LRRC4C: variants seen among roughly 807,000 people sequenced by gnomAD.
The protein encoded by LRRC4C is leucine-rich repeat-containing protein 4C.
Under a neutral mutation model 33.6 loss-of-function variants are expected in LRRC4C, and 5 were observed. The observed-to-expected ratio is 0.15, with a 90% CI of 0.08 to 0.31. LRRC4C has a LOEUF of 0.31. Among genes scored for constraint, LRRC4C ranks in the 10% least tolerant of loss-of-function variants. The pLI, the probability that LRRC4C is intolerant of heterozygous loss-of-function variation, is 1.00. For synonymous variants in LRRC4C, 329 were observed against 302.0 expected (o/e 1.09, Z -0.93); for missense variants, 560 against 796.7 (o/e 0.70, Z 3.58).
chr11:41,215,816 C>T (rs1947036890), intron 1 of LRRC4C, among the ~76,000 whole-genome samples: 1 of 152,088 alleles, frequency 6.6e-6, no homozygotes, highest in Non-Finnish European at 1.5e-5. Flanking sequence ...CTGCCATAAA[C>T]ATTTATGTAT....
chr11:41,213,008 C>A (rs1946887489), intron 1 of LRRC4C, among the ~76,000 whole-genome samples: 1 of 152,108 alleles, frequency 6.6e-6, no homozygotes, highest in Admixed American at 6.6e-5. Flanking sequence ...TTGTTTCCTT[C>A]TCTGTGTAAT....
chr11:40,826,264 TCAA>T (rs1952165479), intron 2 of LRRC4C, among the ~76,000 whole-genome samples: 3 of 151,996 alleles, frequency 2.0e-5, no homozygotes, highest in Non-Finnish European at 4.4e-5. Flanking sequence ...GTTAATACAA[TCAA>T]GCTATTCTTT....
intron 3 of LRRC4C, among the ~76,000 whole-genome samples, chr11:40,498,717 A>ATATTAT (rs373327855): frequency 0.041 from 6,203 of 152,268 alleles, 289 homozygotes; most frequent in African/African-American, 0.12. Context: ...ATTGTTTTTA[A>ATATTAT]TAAACAATGA....
At chr11:40,758,122 C>T (rs2137044684) in intron 2 of LRRC4C, among the ~76,000 whole-genome samples, 2 of 152,116 alleles carry the variant, frequency 1.3e-5, no homozygotes, top group East Asian at 1.9e-4. Context: ...CATCAGTCAC[C>T]ATTTCTTCAG....
At chr11:40,117,184 C>G (rs1217877127) in intron 6 of LRRC4C, among the ~76,000 whole-genome samples, 1 of 152,136 alleles carries the variant, frequency 6.6e-6, no homozygotes, top group African/African-American at 2.4e-5. Flanking sequence ...AAAAATGTTG[C>G]TATGAGAATA....
At chr11:40,749,523 T>C (rs143174250) in intron 2 of LRRC4C, among the ~76,000 whole-genome samples, 334 of 144,494 alleles carry the variant, frequency 2.3e-3, no homozygotes, top group Non-Finnish European at 4.0e-3. Context: ...CATCAAAAAA[T>C]TATAAAGATA....
intron 3 of LRRC4C, among the ~76,000 whole-genome samples, chr11:40,530,993 T>G (rs1452664768): frequency 6.6e-6 from 1 of 152,090 alleles, no homozygotes; most frequent in Non-Finnish European, 1.5e-5. Context: ...TAATATCTAG[T>G]GGATAAATGA....
intron 2 of LRRC4C, among the ~76,000 whole-genome samples, chr11:40,834,531 A>G (rs1952572597): frequency 1.3e-5 from 2 of 152,008 alleles, no homozygotes; most frequent in South Asian, 4.2e-4. Flanking sequence ...TACTACTTCT[A>G]GTAGTGGGGA....
At chr11:40,841,714 G>C (rs952089940) in intron 2 of LRRC4C, among the ~76,000 whole-genome samples, 3 of 152,140 alleles carry the variant, frequency 2.0e-5, no homozygotes, top group Non-Finnish European at 4.4e-5. Context: ...AGCCCTAATA[G>C]AATAATACAG....
At chr11:40,698,594 G>A (rs575870367) in intron 2 of LRRC4C, among the ~76,000 whole-genome samples, 5 of 152,278 alleles carry the variant, frequency 3.3e-5, no homozygotes, top group South Asian at 4.1e-4. Context: ...TGGAAAGAAG[G>A]AAGGGGAAGA....
chr11:40,730,112 G>C (rs1246390882), intron 2 of LRRC4C, among the ~76,000 whole-genome samples: 1 of 151,296 alleles, frequency 6.6e-6, no homozygotes, highest in East Asian at 1.9e-4. Flanking sequence ...TTGTGGGGTT[G>C]GGGGGGGCAG....
At chr11:41,162,498 T>A (rs535391183) in intron 1 of LRRC4C, among the ~76,000 whole-genome samples, 43 of 152,258 alleles carry the variant, frequency 2.8e-4, no homozygotes, top group African/African-American at 9.6e-4. Context: ...GCAAAAATCA[T>A]AGGGTGTATT....
chr11:40,288,687 CTAA>C (rs1319131842), intron 4 of LRRC4C, among the ~76,000 whole-genome samples: 2 of 152,154 alleles, frequency 1.3e-5, no homozygotes, highest in Non-Finnish European at 2.9e-5. Context: ...TCTATATATT[CTAA>C]TGAGTCTTTA....
intron 3 of LRRC4C, among the ~76,000 whole-genome samples, chr11:40,407,278 C>T (rs1435531195): frequency 1.3e-5 from 2 of 152,112 alleles, no homozygotes; most frequent in Non-Finnish European, 1.5e-5. Context: ...GAAATATTTG[C>T]TCCTCACACA....
Position 40,594,643 on chromosome 11 carries a change from T to C in LRRC4C, c.-270+53499A>G, listed in dbSNP as rs1047750484. Among the ~76,000 whole-genome samples the C allele has an allele frequency of 2.0e-5, 3 of 152,172 alleles. No homozygotes were observed. The East Asian group carries it at 5.8e-4, about 29-fold the overall frequency. ...TTAAAAAAATAGAGGTTAAGCAGTT[T>C]AGCTGAGACCACATATTCAGTATTT... On this transcript the variant is annotated intron_variant, in intron 3 of 6. Coordinates refer to ENST00000528697, the MANE Select transcript of LRRC4C (RefSeq NM_001258419.2).
chr11:41,277,951 G>C (rs568536036), intron 1 of LRRC4C, among the ~76,000 whole-genome samples: 1 of 151,954 alleles, frequency 6.6e-6, no homozygotes, highest in Non-Finnish European at 1.5e-5. Context: ...CAAATAACGC[G>C]TGATCCCATT....
intron 2 of LRRC4C, among the ~76,000 whole-genome samples, chr11:40,837,332 G>A (rs1952716426): frequency 6.6e-6 from 1 of 151,972 alleles, no homozygotes; most frequent in Non-Finnish European, 1.5e-5. Flanking sequence ...TGATGTCCAG[G>A]AAATTGCATA....
At chr11:40,148,779 G>C (rs963719631) in intron 5 of LRRC4C, among the ~76,000 whole-genome samples, 1 of 152,072 alleles carries the variant, frequency 6.6e-6, no homozygotes, top group African/African-American at 2.4e-5. Context: ...GAATGGTATT[G>C]CTTAGATTGT....
At chr11:40,219,704 A>G (rs1041292903) in intron 5 of LRRC4C, among the ~76,000 whole-genome samples, 1 of 150,308 alleles carries the variant, frequency 6.7e-6, no homozygotes, top group African/African-American at 2.4e-5. Flanking sequence ...AGAACAAAAC[A>G]GTGATTATCA....
Sources: gnomAD v4.1 joint callset for allele counts (sites outside exome capture counted in the v4.1 genomes callset) on GRCh38, gnomAD v4.1.1 for gene constraint, MANE v1.5 for transcripts, NCBI Gene and HGNC (gene_info 2026-07-23, HGNC 2026-07-21) for gene names.